Variants in CNIH3 observed in about 807,000 individuals in gnomAD.
CNIH3 encodes protein cornichon homolog 3.
CNIH3 carries 14 observed loss-of-function variants against 24.1 expected under a neutral mutation model. That is an observed-to-expected ratio of 0.58 (90% CI 0.38 to 0.91). The LOEUF (loss-of-function observed/expected upper bound fraction) is 0.91. Ranked by LOEUF, CNIH3 falls within the 40% of genes least tolerant of loss-of-function variation. The pLI is 0.00. For missense variants in CNIH3, 178 were observed against 196.8 expected (o/e 0.90, Z 0.57); for synonymous variants, 68 against 73.8 (o/e 0.92, Z 0.40).
rs139493782 is a variant in CNIH3 at position 224,656,173 on chromosome 1, G to A, written c.82-24785G>A. On this transcript the variant is annotated intron_variant, in intron 1 of 5. Transcript: ENST00000272133. ...TGGATGCTTCATGCTGAGGAAGGTC[G>A]TTGTGGGATAATGAGAAGGAATGAA... Among the ~76,000 whole-genome samples, 40 of 152,242 alleles carry A rather than the reference G, an allele frequency of 2.6e-4. No individual in the cohort carries two copies. In the East Asian group the frequency reaches 7.0e-3, roughly 26 times the overall value.
At chr1:224,659,954 T>C (rs1025535443) in intron 1 of CNIH3, among the ~76,000 whole-genome samples, 2 of 152,260 alleles carry the variant, frequency 1.3e-5, no homozygotes, top group African/African-American at 2.4e-5. Context: ...AAACCTCTTG[T>C]GATTTTATTA....
chr1:224,486,283 G>GTT (rs148469356), intron 1 of CNIH3, among the ~76,000 whole-genome samples: 25 of 147,018 alleles, frequency 1.7e-4, no homozygotes, highest in African/African-American at 5.5e-4. Context: ...TTTTTGTGGG[G>GTT]TTTTTTTTTT....
chr1:224,527,708 G>A (rs539618816), intron 2 of CNIH3, among the ~76,000 whole-genome samples: 1 of 152,070 alleles, frequency 6.6e-6, no homozygotes, highest in South Asian at 2.1e-4. Context: ...CTCATATATA[G>A]AGTTTGTAAA....
intron 1 of CNIH3, among the ~76,000 whole-genome samples, chr1:224,507,662 G>T (rs373449905): frequency 2.0e-5 from 3 of 152,092 alleles, no homozygotes; most frequent in African/African-American, 4.8e-5. Context: ...TGTTATCAAG[G>T]GTGTCTGCAA....
At chr1:224,560,510 G>A (rs1680321279) in intron 3 of CNIH3, among the ~76,000 whole-genome samples, 1 of 152,126 alleles carries the variant, frequency 6.6e-6, no homozygotes, top group Non-Finnish European at 1.5e-5. Flanking sequence ...ATTTAGAGCT[G>A]CTCCCCGTTG....
At chr1:224,475,477 A>G (rs934206984) in intron 1 of CNIH3, among the ~76,000 whole-genome samples, 2 of 152,234 alleles carry the variant, frequency 1.3e-5, no homozygotes, top group Admixed American at 1.3e-4. Context: ...ATAAATTGGA[A>G]AGTCTAGAAG....
chr1:224,645,312 G>A (rs761790722), intron 1 of CNIH3, among the ~76,000 whole-genome samples: 3 of 152,304 alleles, frequency 2.0e-5, no homozygotes, highest in East Asian at 1.9e-4. Context: ...ACTTGGTGCT[G>A]CAGAGGAGAC....
rs114514287 is a variant in CNIH3 at position 224,448,081 on chromosome 1, G to T, written n.203+13219G>T. On this transcript the variant is annotated intron_variant and non_coding_transcript_variant, in intron 1 of 5. Transcript: ENST00000471578. ...ATGGGGGCTGGAGGAGGAGAAAATG[G>T]ATAAACTCAGCCAGGCATGGTGGCG... Among the ~76,000 whole-genome samples, 1,094 of 152,172 alleles carry T rather than the reference G, an allele frequency of 7.2e-3. 10 individuals carry two copies. Among genetic ancestry groups the T allele is most frequent in the African/African-American group, 0.025 (1,028 of 41,512 alleles).
At chr1:224,689,193 A>G (rs1686809587) in intron 3 of CNIH3, among the ~76,000 whole-genome samples, 1 of 152,144 alleles carries the variant, frequency 6.6e-6, no homozygotes, top group South Asian at 2.1e-4. Context: ...TTATCCATGT[A>G]ACCCACAGTG....
At chr1:224,493,115 A>T (rs1382680094) in intron 1 of CNIH3, among the ~76,000 whole-genome samples, 3 of 152,228 alleles carry the variant, frequency 2.0e-5, no homozygotes, top group African/African-American at 7.2e-5. Flanking sequence ...CAGTTGACAA[A>T]GGTACTTTAA....
chr1:224,687,508 C>A (rs1686719111), intron 3 of CNIH3, among the ~76,000 whole-genome samples: 1 of 152,188 alleles, frequency 6.6e-6, no homozygotes, highest in Non-Finnish European at 1.5e-5. Flanking sequence ...GCTGGAATTA[C>A]AAGGATGAGC....
At chr1:224,686,938 C>G (rs1342307737) in intron 3 of CNIH3, among the ~76,000 whole-genome samples, 2 of 152,254 alleles carry the variant, frequency 1.3e-5, no homozygotes, top group African/African-American at 4.8e-5. Context: ...ACACTGTACT[C>G]TACCTCTTCC....
chr1:224,609,877 G>A (rs1487579666), intron 3 of CNIH3, among the ~76,000 whole-genome samples: 4 of 152,096 alleles, frequency 2.6e-5, no homozygotes. Context: ...GTTGGAAAAA[G>A]CTTCATGATA....
chr1:224,600,454 A>T (rs908505181), intron 3 of CNIH3, among the ~76,000 whole-genome samples: 10 of 152,276 alleles, frequency 6.6e-5, no homozygotes, highest in African/African-American at 2.4e-4. Context: ...GGCCTCCCAA[A>T]GTGCTGGGAT....
chr1:224,677,127 C>A (rs1686177289), intron 1 of CNIH3, among the ~76,000 whole-genome samples: 1 of 152,150 alleles, frequency 6.6e-6, no homozygotes, highest in South Asian at 2.1e-4. Context: ...TGAAATGGGA[C>A]CAGTAATAGT....
intron 1 of CNIH3, among the ~76,000 whole-genome samples, chr1:224,489,630 C>T (rs1677164605): frequency 6.6e-6 from 1 of 152,192 alleles, no homozygotes; most frequent in South Asian, 2.1e-4. Context: ...CTGTTGTTAT[C>T]TGTGAGAACA....
At chr1:224,641,374 C>T (rs899822904) in intron 1 of CNIH3, among the ~76,000 whole-genome samples, 1 of 152,230 alleles carries the variant, frequency 6.6e-6, no homozygotes, top group African/African-American at 2.4e-5. Flanking sequence ...TCCTTCCCCA[C>T]CTGGACTCTT....
intron 1 of CNIH3, among the ~76,000 whole-genome samples, chr1:224,498,989 C>G (rs1677547382): frequency 6.6e-6 from 1 of 152,214 alleles, no homozygotes; most frequent in African/African-American, 2.4e-5. Context: ...CCAGTAGCTC[C>G]CCAGAGGGCT....
At chr1:224,513,303 C>T (rs1045615607), upstream of CNIH3, among the ~76,000 whole-genome samples, 2 of 139,482 alleles carry the variant, frequency 1.4e-5, no homozygotes, top group South Asian at 4.7e-4. Flanking sequence ...CACATACCAC[C>T]ACACCTGGTT....
Sources: allele counts gnomAD v4.1 joint callset (sites outside exome capture counted in the v4.1 genomes callset), GRCh38; gene constraint gnomAD v4.1.1; transcripts MANE v1.5; gene names NCBI Gene and HGNC (gene_info 2026-07-23, HGNC 2026-07-21).